DLGAP2: variants seen among roughly 807,000 people sequenced by gnomAD.
DLGAP2 encodes the protein DLG associated protein 2, also known as disks large-associated protein 2.
In DLGAP2, 26 loss-of-function variants were observed where a neutral mutation model predicts 100.3. The ratio of observed to expected loss-of-function variants is 0.26; its 90% CI spans 0.19 to 0.36. The LOEUF (loss-of-function observed/expected upper bound fraction) is 0.36. Among genes scored for constraint, DLGAP2 ranks in the 10% least tolerant of loss-of-function variants. The pLI is 1.00. For synonymous variants in DLGAP2, 886 were observed against 630.1 expected, an observed-to-expected ratio of 1.41 and a Z score of -6.08; for missense variants, 1,858 against 1,453.2, an observed-to-expected ratio of 1.28 and a Z score of -4.53.
At chr8:1,416,725 A>C (rs1328178875) in intron 3 of DLGAP2, among the ~76,000 whole-genome samples, 1 of 152,216 alleles carries the variant, frequency 6.6e-6, no homozygotes, top group African/African-American at 2.4e-5. Flanking sequence ...ATCAAAAACC[A>C]GGTAGTAAGA....
chr8:897,893 C>T (rs538087207), intron 1 of DLGAP2, among the ~76,000 whole-genome samples: 2 of 152,170 alleles, frequency 1.3e-5, no homozygotes, highest in African/African-American at 4.8e-5. Flanking sequence ...CTTCCTCCCA[C>T]ATCCCAAAGC....
intron 5 of DLGAP2, among the ~76,000 whole-genome samples, chr8:1,557,834 C>A (rs2130547962): frequency 6.6e-6 from 1 of 152,320 alleles, no homozygotes; most frequent in East Asian, 1.9e-4. Flanking sequence ...TCAGTGCCCA[C>A]CCTGGTGACC....
chr8:1,529,782 G>T (rs1430858055), intron 4 of DLGAP2, among the ~76,000 whole-genome samples: 4 of 152,224 alleles, frequency 2.6e-5, no homozygotes, highest in African/African-American at 9.6e-5. Context: ...TGGCCAGCTT[G>T]AGAAATAAAG....
chr8:855,065 G>A (rs950517001), intron 1 of DLGAP2, among the ~76,000 whole-genome samples: 21 of 152,326 alleles, frequency 1.4e-4, no homozygotes, highest in Non-Finnish European at 2.5e-4. Context: ...CGCTTGCCGA[G>A]TGGTGGGGAG....
At chr8:841,326 C>T (rs954646721) in intron 1 of DLGAP2, among the ~76,000 whole-genome samples, 13 of 152,212 alleles carry the variant, frequency 8.5e-5, no homozygotes, top group Admixed American at 3.3e-4. Context: ...GACGCTCACA[C>T]TTGTCCATCT....
At chr8:847,558 G>C (rs1053246691) in intron 1 of DLGAP2, among the ~76,000 whole-genome samples, 1 of 151,894 alleles carries the variant, frequency 6.6e-6, no homozygotes, top group Non-Finnish European at 1.5e-5. Context: ...CCAGGCTGGA[G>C]TGCAAGTGGA....
At chr8:1,181,894 C>A (rs1474488850) in intron 2 of DLGAP2, among the ~76,000 whole-genome samples, 1 of 152,116 alleles carries the variant, frequency 6.6e-6, no homozygotes, top group Non-Finnish European at 1.5e-5. Context: ...CCCTGCAATC[C>A]CAGGACGCAT....
chr8:1,342,653 G>C (rs549120432), intron 3 of DLGAP2, among the ~76,000 whole-genome samples: 9 of 152,322 alleles, frequency 5.9e-5, no homozygotes, highest in Admixed American at 3.9e-4. Context: ...TGCGAATGCT[G>C]AATTTTCTGT....
chr8:969,257 G>T (rs1799955841), intron 2 of DLGAP2, among the ~76,000 whole-genome samples: 1 of 152,184 alleles, frequency 6.6e-6, no homozygotes, highest in Non-Finnish European at 1.5e-5. Context: ...TGGGTCTCCA[G>T]CCTGCAGGCT....
chr8:823,615 C>G (rs1373448347), intron 1 of DLGAP2, among the ~76,000 whole-genome samples: 1 of 152,110 alleles, frequency 6.6e-6, no homozygotes. Context: ...CAGACCCCTT[C>G]CTGGGACACG....
At chr8:1,537,651 GGA>G (rs1420403703) in intron 4 of DLGAP2, among the ~76,000 whole-genome samples, 2 of 151,968 alleles carry the variant, frequency 1.3e-5, no homozygotes. Flanking sequence ...TGTGGAGCCT[GGA>G]ACTCGTGATG....
At chr8:957,717 C>CA (rs2129009195) in intron 2 of DLGAP2, among the ~76,000 whole-genome samples, 1 of 152,228 alleles carries the variant, frequency 6.6e-6, no homozygotes, top group African/African-American at 2.4e-5. Flanking sequence ...ATTAATCTTT[C>CA]AAAAATCTTT....
chr8:1,181,157 G>C (rs1797378340), intron 2 of DLGAP2, among the ~76,000 whole-genome samples: 1 of 84,982 alleles, frequency 1.2e-5, no homozygotes, highest in Non-Finnish European at 2.4e-5. Flanking sequence ...GGCTGTGCAA[G>C]GGCAGTACAC....
At chr8:987,722 G>T (rs183092153) in intron 2 of DLGAP2, among the ~76,000 whole-genome samples, 7 of 152,086 alleles carry the variant, frequency 4.6e-5, no homozygotes, top group Admixed American at 1.3e-4. Flanking sequence ...AGTCCAAGCC[G>T]ACGACAAGCC....
At chr8:1,594,196 G>C (rs970516756) in intron 6 of DLGAP2, among the ~76,000 whole-genome samples, 1 of 151,996 alleles carries the variant, frequency 6.6e-6, no homozygotes, top group Non-Finnish European at 1.5e-5. Flanking sequence ...GCACCAGTGC[G>C]GAAAGTCAAG....
At chr8:857,558 A>G (rs1797302747) in intron 1 of DLGAP2, among the ~76,000 whole-genome samples, 1 of 152,226 alleles carries the variant, frequency 6.6e-6, no homozygotes, top group African/African-American at 2.4e-5. Context: ...TACACAGATG[A>G]CAAGCCACTG....
chr8:1,511,877 T>A (rs917424597), intron 4 of DLGAP2, among the ~76,000 whole-genome samples: 1 of 152,214 alleles, frequency 6.6e-6, no homozygotes. Flanking sequence ...AAAATCTGTT[T>A]AGGAATTGGA....
intron 2 of DLGAP2, among the ~76,000 whole-genome samples, chr8:1,050,618 A>G (rs1802650369): frequency 1.3e-5 from 2 of 152,184 alleles, no homozygotes; most frequent in South Asian, 4.1e-4. Context: ...GACTACAGGA[A>G]TAGCTAATTG....
At chr8:767,711 CATT>C (rs1158582606) in intron 1 of DLGAP2, among the ~76,000 whole-genome samples, 2 of 152,132 alleles carry the variant, frequency 1.3e-5, no homozygotes, top group African/African-American at 4.8e-5. Context: ...AGGGTTGAGA[CATT>C]ATATTTCTAC....
Sources: allele counts gnomAD v4.1 joint callset (sites outside exome capture counted in the v4.1 genomes callset), GRCh38; gene constraint gnomAD v4.1.1; transcripts MANE v1.5; gene names NCBI Gene and HGNC (gene_info 2026-07-23, HGNC 2026-07-21).